Variants in DAG1 observed in about 807,000 individuals in gnomAD.
DAG1 encodes dystroglycan 1.
In DAG1, 8 loss-of-function variants were observed where a neutral mutation model predicts 46.1. The observed-to-expected ratio is 0.17, with a 90% CI of 0.10 to 0.31. The LOEUF (loss-of-function observed/expected upper bound fraction) is 0.31. Ranked by LOEUF, DAG1 falls within the 10% of genes least tolerant of loss-of-function variation. The pLI, the probability that DAG1 is intolerant of heterozygous loss-of-function variation, is 1.00. For synonymous variants in DAG1, 495 were observed against 481.8 expected (o/e 1.03, Z -0.36); for missense variants, 1,003 against 1,189.9 (o/e 0.84, Z 2.31).
At chr3:49,505,949 C>T (rs2050594746) in intron 1 of DAG1, among the ~76,000 whole-genome samples, 1 of 150,080 alleles carries the variant, frequency 6.7e-6, no homozygotes, top group Non-Finnish European at 1.5e-5. Flanking sequence ...GAATTACAGG[C>T]GTGAGCCACC....
chr3:49,520,087 G>A (rs979253982), intron 2 of DAG1, among the ~76,000 whole-genome samples: 2 of 152,194 alleles, frequency 1.3e-5, no homozygotes, highest in African/African-American at 2.4e-5. Flanking sequence ...ACTCTGCTAA[G>A]GCCGCATGTA....
At chr3:49,528,569 G>A (rs989977572) in intron 2 of DAG1, among the ~76,000 whole-genome samples, 1 of 151,976 alleles carries the variant, frequency 6.6e-6, no homozygotes, top group Non-Finnish European at 1.5e-5. Context: ...ACAGGCATGA[G>A]CCACCACGCC....
chr3:49,501,397 G>A (rs1352399706), intron 1 of DAG1, among the ~76,000 whole-genome samples: 1 of 152,194 alleles, frequency 6.6e-6, no homozygotes, highest in Non-Finnish European at 1.5e-5. Flanking sequence ...GGTGTATGGT[G>A]TATGTCTGGC....
At chr3:49,480,115 A>AT (rs34246427) in intron 1 of DAG1, among the ~76,000 whole-genome samples, 28,798 of 108,626 alleles carry the variant, frequency 0.27, 3,921 homozygotes, top group Middle Eastern at 0.31. Context: ...ACACCCGGCT[A>AT]TTTTTTTTTT....
At chr3:49,469,429 T>C (rs958142796), upstream of DAG1, among the ~76,000 whole-genome samples, 2 of 152,202 alleles carry the variant, frequency 1.3e-5, no homozygotes, top group Non-Finnish European at 2.9e-5. Context: ...TAGAGCTACC[T>C]TAGGACCCTC....
chr3:49,514,856 CACACAT>C (rs1452482826), intron 2 of DAG1, among the ~76,000 whole-genome samples: 1 of 151,546 alleles, frequency 6.6e-6, no homozygotes, highest in East Asian at 1.9e-4. Flanking sequence ...TAGACACACA[CACACAT>C]ATATATATAT....
At position 49,503,922 on chromosome 3, in the gene DAG1, G is replaced by A. The variant is rs912723316; in HGVS notation, c.-116-6497G>A. 2.0e-5 allele frequency among the ~76,000 whole-genome samples: 3 copies of A among 151,900 alleles called. No individual in the cohort carries two copies. The East Asian group carries it at 5.8e-4, about 29-fold the overall frequency. ...AAATTCAAATTCAAATTTATCTTAA[G>A]ATTTAAAAGATTTTTTGAGATAATT... On this transcript the variant is annotated intron_variant, in intron 1 of 2. Coordinates refer to ENST00000308775, the MANE Select transcript of DAG1 (RefSeq NM_004393.6).
intron 1 of DAG1, among the ~76,000 whole-genome samples, chr3:49,480,334 G>T (rs2049840658): frequency 6.9e-6 from 1 of 145,666 alleles, no homozygotes; most frequent in Non-Finnish European, 1.5e-5. Flanking sequence ...GGAGTGCAGT[G>T]GCGCGATCTC....
intron 2 of DAG1, among the ~76,000 whole-genome samples, chr3:49,530,219 TAC>T (rs2051302661): frequency 6.6e-6 from 1 of 152,230 alleles, no homozygotes; most frequent in African/African-American, 2.4e-5. Context: ...TGTGCCCCAC[TAC>T]ACTTGAATGT....
chr3:49,499,428 AATAT>A (rs988464039), intron 1 of DAG1, among the ~76,000 whole-genome samples: 1 of 152,262 alleles, frequency 6.6e-6, no homozygotes, highest in Admixed American at 6.5e-5. Context: ...GGTACTTAAA[AATAT>A]ATATATCTGA....
intron 1 of DAG1, among the ~76,000 whole-genome samples, chr3:49,505,018 C>G (rs1185838293): frequency 2.0e-5 from 3 of 148,080 alleles, no homozygotes; most frequent in Non-Finnish European, 4.5e-5. Flanking sequence ...ATTTTTGAGA[C>G]AGGGTCTTGC....
At chr3:49,471,494 A>T (rs2049517601) in intron 1 of DAG1, among the ~76,000 whole-genome samples, 1 of 152,238 alleles carries the variant, frequency 6.6e-6, no homozygotes, top group Non-Finnish European at 1.5e-5. Context: ...GAGGCATAAA[A>T]ATCCATAGTT....
At chr3:49,527,819 C>A (rs1392860617) in intron 2 of DAG1, among the ~76,000 whole-genome samples, 1 of 152,206 alleles carries the variant, frequency 6.6e-6, no homozygotes, top group Non-Finnish European at 1.5e-5. Flanking sequence ...TTCTAGCCAG[C>A]CATTTGGCTC....
In DAG1 at chr3:49,522,847, A is replaced by T. The variant is rs894929493; in HGVS notation, c.286-7950A>T. Among the ~76,000 whole-genome samples, 7 of 152,126 alleles carry T rather than the reference A, an allele frequency of 4.6e-5. No individual in the cohort carries two copies. The South Asian group carries it at 1.5e-3, about 32-fold the overall frequency. On this transcript the variant is annotated intron_variant, in intron 2 of 2. Coordinates refer to ENST00000308775, the MANE Select transcript of DAG1 (RefSeq NM_004393.6). ...CTACAGCCTGTGATCTCCTTAAATC[A>T]GGCTTTCTTGGGCAGTTTCTGCCTC... is the stretch of plus-strand genomic sequence containing the variant.
intron 2 of DAG1, among the ~76,000 whole-genome samples, chr3:49,522,968 G>C (rs1418470725): frequency 6.6e-6 from 1 of 152,158 alleles, no homozygotes; most frequent in Non-Finnish European, 1.5e-5. Context: ...GGCAGTGTTG[G>C]TGTTTGGTGT....
At chr3:49,481,127 C>G (rs1382946810) in intron 1 of DAG1, among the ~76,000 whole-genome samples, 6 of 148,322 alleles carry the variant, frequency 4.0e-5, no homozygotes, top group Admixed American at 3.3e-4. Flanking sequence ...CAGTGGCTTA[C>G]GCCTGTAATC....
rs147319639 is a variant in DAG1 at position 49,526,756 on chromosome 3, A to T, written c.286-4041A>T. ...TAAATAAAATTAAATAAATTGTGAA[A>T]GAATTTGTTCTCAGTAGTCAAAATA... On this transcript the variant is annotated intron_variant, in intron 2 of 2. Transcript: ENST00000308775. 9.2e-3 allele frequency among the ~76,000 whole-genome samples: 1,405 copies of T among 152,240 alleles called. 27 individuals carry two copies. The highest frequency in any genetic ancestry group is 0.031 in the African/African-American group (1,284 of 41,524).
At chr3:49,504,911 GTATTCCCTATTA>G (rs1340731638) in intron 1 of DAG1, among the ~76,000 whole-genome samples, 1 of 147,508 alleles carries the variant, frequency 6.8e-6, no homozygotes, top group Non-Finnish European at 1.5e-5. Flanking sequence ...GTGCCCAGCT[GTATTCCCTATTA>G]TATTCCATTG....
intron 2 of DAG1, among the ~76,000 whole-genome samples, chr3:49,514,899 G>A (rs1001767100): frequency 4.6e-5 from 7 of 151,284 alleles, no homozygotes; most frequent in Admixed American, 1.3e-4. Context: ...TTGCTCTTTC[G>A]TCCAGGCTGG....
Sources: gnomAD v4.1 joint callset for allele counts (sites outside exome capture counted in the v4.1 genomes callset) on GRCh38, gnomAD v4.1.1 for gene constraint, MANE v1.5 for transcripts, NCBI Gene and HGNC (gene_info 2026-07-23, HGNC 2026-07-21) for gene names.